Variants in GAS7 observed in about 807,000 individuals in gnomAD.
GAS7 encodes the protein growth arrest-specific protein 7.
Under a neutral mutation model 71.1 loss-of-function variants are expected in GAS7, and 28 were observed. The observed-to-expected ratio is 0.39, with a 90% CI of 0.29 to 0.54. GAS7 has a LOEUF of 0.54. GAS7 is among the 20% of genes least tolerant of loss of function. GAS7 has a pLI of 0.62. For synonymous variants in GAS7, 258 were observed against 245.8 expected (o/e 1.05, Z -0.46); for missense variants, 436 against 627.8 (o/e 0.69, Z 3.27).
In GAS7 at chr17:10,117,689, C is replaced by A. The variant is rs181737854; in HGVS notation, c.183+80519G>T. Among the ~76,000 whole-genome samples, 183 of 152,260 alleles carry A rather than the reference C, an allele frequency of 1.2e-3. 7 individuals carry two copies. In the South Asian group the frequency reaches 0.02, roughly 17 times the overall value. On this transcript the variant is annotated intron_variant, in intron 1 of 13. Transcript: ENST00000432992. ...ACCACTGGACTGTGGTAAGCAGAAG[C>A]ACGATGTGTTCAGACCCTTCCTGTG...
chr17:10,196,550 C>T (rs1041012516), intron 1 of GAS7, among the ~76,000 whole-genome samples: 1 of 152,188 alleles, frequency 6.6e-6, no homozygotes, highest in Non-Finnish European at 1.5e-5. Flanking sequence ...GTTAATTCCG[C>T]TTGTCCCCTG....
At chr17:10,190,234 T>A (rs2074487643) in intron 1 of GAS7, among the ~76,000 whole-genome samples, 1 of 152,160 alleles carries the variant, frequency 6.6e-6, no homozygotes, top group South Asian at 2.1e-4. Flanking sequence ...GCCTAAAATG[T>A]TTCCTGGCCT....
chr17:10,033,798 A>G (rs1405481837), intron 1 of GAS7, among the ~76,000 whole-genome samples: 1 of 152,196 alleles, frequency 6.6e-6, no homozygotes, highest in South Asian at 2.1e-4. Flanking sequence ...GCAGGCACTG[A>G]AGGAAAATGG....
intron 1 of GAS7, among the ~76,000 whole-genome samples, chr17:10,063,494 C>T (rs1054610037): frequency 2.6e-5 from 4 of 152,250 alleles, no homozygotes; most frequent in South Asian, 2.1e-4. Context: ...AAAACCCTGA[C>T]AAATCATCTA....
chr17:10,116,367 C>A (rs1238727761), intron 1 of GAS7, among the ~76,000 whole-genome samples: 1 of 151,912 alleles, frequency 6.6e-6, no homozygotes, highest in Non-Finnish European at 1.5e-5. Flanking sequence ...TAGACTCTGA[C>A]AGTGCTCATC....
In GAS7 at chr17:9,926,284, C is replaced by T. The variant is rs753394399; in HGVS notation, c.1014+357G>A. Among the ~76,000 whole-genome samples the T allele has an allele frequency of 2.0e-5, 3 of 152,150 alleles. No individual in the cohort carries two copies. The highest frequency in any genetic ancestry group is 4.8e-5 in the African/African-American group (2 of 41,444). On this transcript the variant is annotated intron_variant, in intron 10 of 13. Transcript: ENST00000432992. This position sits in a 1 kb window ranked among gnomAD's most constrained non-coding sequence, Gnocchi z 5.0. ...CAGGGAGGCGGTGACTGAGTCAGGACGACTCAGCCAGGTGAGGCTTAAACA... is the reference window on the plus strand; with the variant it reads ...CAGGGAGGCGGTGACTGAGTCAGGATGACTCAGCCAGGTGAGGCTTAAACA...
At position 10,046,841 on chromosome 17, in the gene GAS7, G is replaced by GA. The variant is rs1181903287; in HGVS notation, c.184-26945dup. ...GGAAGGAAGGAAGGAAGGAAGGAAG[G>GA]AAGGAAAGAAAAGAAAAGAAAAAAG... On this transcript the variant is annotated intron_variant, in intron 1 of 13. Coordinates refer to ENST00000432992, the MANE Select transcript of GAS7 (RefSeq NM_201433.2). Among the ~76,000 whole-genome samples the GA allele has an allele frequency of 3.4e-4, 38 of 112,396 alleles. 1 individual carries two copies. Among genetic ancestry groups the GA allele is most frequent in the African/African-American group, 9.5e-4 (22 of 23,092 alleles). The allele number at this position is 112,396 out of a possible 152,430, so 73.7% of individuals were successfully genotyped here.
rs567722442 is a variant in GAS7 at position 10,023,505 on chromosome 17, T to TA, written c.184-3609dup. ...ATACAATGGAATATTATTCAGAAATTAAAAAAAAAAATGGAGCCGTGATAC... is the reference window on the plus strand; with the variant it reads ...ATACAATGGAATATTATTCAGAAATTAAAAAAAAAAAATGGAGCCGTGATAC... On this transcript the variant is annotated intron_variant, in intron 1 of 13. Coordinates refer to ENST00000432992, the MANE Select transcript of GAS7 (RefSeq NM_201433.2). Among the ~76,000 whole-genome samples the TA allele has an allele frequency of 7.4e-4, 108 of 146,600 alleles. 1 individual carries two copies. The highest frequency in any genetic ancestry group is 3.6e-3 in the Middle Eastern group (1 of 280).
chr17:10,188,805 AT>A (rs2074476117), intron 1 of GAS7, among the ~76,000 whole-genome samples: 2 of 152,010 alleles, frequency 1.3e-5, no homozygotes, highest in Admixed American at 6.6e-5. Context: ...CACCCAGCTA[AT>A]TTTTTTGTAT....
chr17:10,198,495 C>G lies in GAS7; in HGVS notation c.-105G>C, dbSNP rs1372683835. 2 of 775,952 alleles carry G rather than the reference C, an allele frequency of 2.6e-6. No homozygotes were observed. The highest frequency in any genetic ancestry group is 7.0e-5 in the East Asian group (2 of 28,546). 48.1% of individuals were successfully genotyped at this position (775,952 alleles called of 1,614,324 possible). ...AGGCGCCCGGCGCTCCGGGCTCCCG[C>G]GCTCTGGGCGCGCGCCGTCTCTGGG... On this transcript the variant is annotated 5_prime_UTR_variant, in exon 1 of 14. Coordinates refer to ENST00000432992, the MANE Select transcript of GAS7 (RefSeq NM_201433.2).
At chr17:10,094,427 A>AG (rs112865051) in intron 1 of GAS7, among the ~76,000 whole-genome samples, 3,432 of 152,264 alleles carry the variant, frequency 0.023, 137 homozygotes, top group African/African-American at 0.078. Context: ...CTCTGTCCTT[A>AG]GGCGAGCCAT....
At chr17:9,988,464 G>T (rs529102597) in intron 2 of GAS7, among the ~76,000 whole-genome samples, 1 of 152,308 alleles carries the variant, frequency 6.6e-6, no homozygotes, top group Non-Finnish European at 1.5e-5. Flanking sequence ...TACAAAAGCA[G>T]CAGTTCACAG....
intron 4 of GAS7, among the ~76,000 whole-genome samples, chr17:9,960,961 C>A (rs1411212762): frequency 6.6e-6 from 1 of 152,172 alleles, no homozygotes; most frequent in Non-Finnish European, 1.5e-5. Flanking sequence ...GGTCCTCAAG[C>A]TTTGAGGTGC....
intron 5 of GAS7, among the ~76,000 whole-genome samples, chr17:9,954,934 C>T (rs77186962): frequency 0.03 from 4,621 of 152,128 alleles, 99 homozygotes; most frequent in African/African-American, 0.047. Flanking sequence ...GAGGTGTGTG[C>T]GCGCAGATGT....
chr17:10,098,742 G>A (rs752015343), intron 1 of GAS7, among the ~76,000 whole-genome samples: 29 of 152,138 alleles, frequency 1.9e-4, no homozygotes, highest in Non-Finnish European at 3.8e-4. Flanking sequence ...GGCGGATCAC[G>A]AGGTCAGGAG....
At chr17:9,938,798 G>T (rs1408701475) in intron 8 of GAS7, among the ~76,000 whole-genome samples, 1 of 152,152 alleles carries the variant, frequency 6.6e-6, no homozygotes, top group Non-Finnish European at 1.5e-5. Flanking sequence ...CCCAGCCCCT[G>T]GCAAATGACA....
At chr17:10,128,515 C>A (rs1460008892) in intron 1 of GAS7, among the ~76,000 whole-genome samples, 3 of 152,336 alleles carry the variant, frequency 2.0e-5, no homozygotes, top group Admixed American at 1.3e-4. Flanking sequence ...CCTCTCACCC[C>A]CTTAACTAGG....
chr17:10,061,690 T>TG (rs1272877669), intron 1 of GAS7, among the ~76,000 whole-genome samples: 1 of 152,144 alleles, frequency 6.6e-6, no homozygotes, highest in Admixed American at 6.5e-5. Context: ...CTGGAGCCTC[T>TG]GGGGGGAAGC....
chr17:10,057,958 G>A (rs1423895718), intron 1 of GAS7, among the ~76,000 whole-genome samples: 2 of 152,176 alleles, frequency 1.3e-5, no homozygotes, highest in African/African-American at 2.4e-5. Flanking sequence ...CCCCAACCCC[G>A]TGCTCTCTGA....
Sources: allele counts gnomAD v4.1 joint callset (sites outside exome capture counted in the v4.1 genomes callset), GRCh38; gene constraint gnomAD v4.1.1; non-coding constraint Gnocchi (gnomAD v3.1); transcripts MANE v1.5; gene names NCBI Gene and HGNC (gene_info 2026-07-23, HGNC 2026-07-21).